The following DIAPH3 variants were observed in gnomAD, a reference collection of about 807,000 sequenced individuals.
DIAPH3 encodes the protein protein diaphanous homolog 3.
Under a neutral mutation model 144.3 loss-of-function variants are expected in DIAPH3, and 117 were observed. The ratio of observed to expected loss-of-function variants is 0.81; its 90% CI spans 0.70 to 0.95. The LOEUF (loss-of-function observed/expected upper bound fraction) is 0.95, where lower values mean the gene tolerates loss of function less well. Among genes scored for constraint, DIAPH3 ranks in the 40% least tolerant of loss-of-function variants. DIAPH3 has a pLI of 0.00. For missense variants in DIAPH3, 1,421 were observed against 1,412.7 expected, an observed-to-expected ratio of 1.01 and a Z score of -0.09; for synonymous variants, 519 against 488.9, an observed-to-expected ratio of 1.06 and a Z score of -0.81.
intron 27 of DIAPH3, among the ~76,000 whole-genome samples, chr13:59,754,842 A>C (rs189280344): frequency 2.0e-5 from 3 of 152,118 alleles, no homozygotes; most frequent in Admixed American, 6.6e-5. Flanking sequence ...GGTTGTACTG[A>C]TAAGTTTTCA....
chr13:59,797,953 G>A (rs1158020523), intron 25 of DIAPH3, among the ~76,000 whole-genome samples: 1 of 152,066 alleles, frequency 6.6e-6, no homozygotes, highest in Non-Finnish European at 1.5e-5. Flanking sequence ...CTTACCCTAT[G>A]CCAGGCCCAT....
chr13:60,003,419 CCT>C (rs888503074), intron 9 of DIAPH3, among the ~76,000 whole-genome samples: 1 of 150,718 alleles, frequency 6.6e-6, no homozygotes, highest in Non-Finnish European at 1.5e-5. Flanking sequence ...GCTGAGAAAC[CCT>C]GTCTGATGTT....
intron 5 of DIAPH3, among the ~76,000 whole-genome samples, chr13:60,037,633 T>TGAATATA (rs1404843421): frequency 1.3e-5 from 2 of 151,656 alleles, no homozygotes; most frequent in Non-Finnish European, 2.9e-5. Flanking sequence ...AGAGGAAGGA[T>TGAATATA]GAATATAGAA....
chr13:59,957,285 G>C (rs1253069401), intron 17 of DIAPH3, among the ~76,000 whole-genome samples: 1 of 152,128 alleles, frequency 6.6e-6, no homozygotes, highest in East Asian at 1.9e-4. Flanking sequence ...ACGTGTTGTG[G>C]GAGGGACCCA....
At chr13:59,966,795 A>T (rs1382717432) in intron 17 of DIAPH3, among the ~76,000 whole-genome samples, 1 of 152,182 alleles carries the variant, frequency 6.6e-6, no homozygotes, top group Non-Finnish European at 1.5e-5. Flanking sequence ...CCATCTTTGT[A>T]ATCAAAGAAA....
chr13:59,802,227 C>T (rs572138181), intron 25 of DIAPH3, among the ~76,000 whole-genome samples: 2 of 152,226 alleles, frequency 1.3e-5, no homozygotes, highest in African/African-American at 4.8e-5. Context: ...GGATAAGAAG[C>T]ACAATGGTTG....
intron 27 of DIAPH3, among the ~76,000 whole-genome samples, chr13:59,707,217 T>C (rs1386041905): frequency 6.6e-6 from 1 of 152,172 alleles, no homozygotes; most frequent in South Asian, 2.1e-4. Flanking sequence ...TCTCAAAACA[T>C]TGAACAGCTG....
At chr13:60,115,277 A>T (rs1194957850) in intron 2 of DIAPH3, among the ~76,000 whole-genome samples, 1 of 152,188 alleles carries the variant, frequency 6.6e-6, no homozygotes, top group Non-Finnish European at 1.5e-5. Flanking sequence ...GATTCTTGGG[A>T]TCACTTCAAG....
At position 60,161,397 on chromosome 13, in the gene DIAPH3, A is replaced by G. The variant is rs921466717; in HGVS notation, c.180+2190T>C. On this transcript the variant is annotated intron_variant, in intron 1 of 27. Transcript: ENST00000400324. The stretch of plus-strand genomic sequence containing the variant: ...AAAAAACAAGAGTTACTGGTGTGCA[A>G]TCAAGAGCAGTGAAAGGTAGGCAAA... Among the ~76,000 whole-genome samples, 3 of 152,192 alleles carry G rather than the reference A, an allele frequency of 2.0e-5. 1 individual carries two copies. Among genetic ancestry groups the G allele is most frequent in the Non-Finnish European group, 4.4e-5 (3 of 68,038 alleles).
Position 59,879,425 on chromosome 13 carries a change from A to G in DIAPH3, c.2411T>C (p.Leu804Pro), listed in dbSNP as rs1268587590. 3.7e-6 allele frequency: 6 copies of G among 1,613,752 alleles called. No individual in the cohort carries two copies. In the South Asian group the frequency reaches 6.6e-5, roughly 18 times the overall value. ...CTGCTCTTCAAACTGAAGCTTAAAGAGAATAGCACTGAGCCGTGGCCGTAG... is the reference window on the plus strand; with the variant it reads ...CTGCTCTTCAAACTGAAGCTTAAAGGGAATAGCACTGAGCCGTGGCCGTAG... ...KRLRPRLSAI[L>P]FKLQFEEQVN... Residue 804 changes from leucine (L) to proline (P), a missense_variant, in exon 21 of 28, where the codon CTC becomes CCC. Physicochemically the swap from Leu to Pro is moderately conservative, Grantham distance 98. Transcript: ENST00000400324.
chr13:59,666,954 CT>C, intron 27 of DIAPH3, 108 bp from the exon 28 acceptor site: 1 of 1,261,380 alleles, frequency 7.9e-7, no homozygotes, highest in Non-Finnish European at 1.1e-6. Context: ...AAGTAGTCTT[CT>C]TAGATAGACT....
rs760543163 is a variant in DIAPH3 at position 59,839,319 on chromosome 13, G to T, written c.2862+5C>A. The T allele has an allele frequency of 1.4e-5, 23 of 1,612,900 alleles. No homozygotes were observed. The South Asian group carries it at 2.4e-4, about 17-fold the overall frequency. ...ACTTAAGTTATTTAGCTATCAAAAG[G>T]ATATGGACATCTTTGTCACAAACTT... On this transcript the variant is annotated splice_donor_5th_base_variant and intron_variant, in intron 23 of 27. Transcript: ENST00000400324.
At chr13:59,825,177 T>C (rs2041318448) in intron 24 of DIAPH3, among the ~76,000 whole-genome samples, 3 of 152,030 alleles carry the variant, frequency 2.0e-5, no homozygotes, top group Admixed American at 2.0e-4. Flanking sequence ...CCTAATGCTA[T>C]CCCTCCCCTC....
At chr13:60,123,033 A>G (rs1470334601) in intron 2 of DIAPH3, among the ~76,000 whole-genome samples, 1 of 152,198 alleles carries the variant, frequency 6.6e-6, no homozygotes, top group Non-Finnish European at 1.5e-5. Flanking sequence ...AAGTCATGTG[A>G]AGACATCAAT....
At chr13:59,954,322 T>C (rs1269086611) in intron 17 of DIAPH3, among the ~76,000 whole-genome samples, 1 of 150,836 alleles carries the variant, frequency 6.6e-6, no homozygotes, top group Non-Finnish European at 1.5e-5. Flanking sequence ...TGCAAGGCAC[T>C]CATTTTTCCT....
chr13:59,856,563 C>A (rs1472980961), intron 22 of DIAPH3, among the ~76,000 whole-genome samples: 1 of 152,134 alleles, frequency 6.6e-6, no homozygotes, highest in Non-Finnish European at 1.5e-5. Flanking sequence ...CATGTACATT[C>A]CTGAATGGCT....
intron 1 of DIAPH3, among the ~76,000 whole-genome samples, chr13:60,158,906 TAAAAAAAAAAAA>T (rs71197285): frequency 5.2e-5 from 4 of 76,914 alleles, no homozygotes; most frequent in Non-Finnish European, 9.7e-5. Flanking sequence ...TGGCCCCTCT[TAAAAAAAAAAAA>T]AAAAAAAAAA....
At position 60,057,589 on chromosome 13, in the gene DIAPH3, G is replaced by C. The variant is rs367800834; in HGVS notation, c.496-14769C>G. ...CCAAAAAAGAGCCTGAATACCCAAA[G>C]CAATACTGAGCAAAAACAACAAATC... On this transcript the variant is annotated intron_variant, in intron 4 of 27. Coordinates refer to ENST00000400324, the MANE Select transcript of DIAPH3 (RefSeq NM_001042517.2). Among the ~76,000 whole-genome samples the C allele has an allele frequency of 4.0e-5, 6 of 151,870 alleles. No individual in the cohort carries two copies. In the South Asian group the frequency reaches 1.2e-3, roughly 31 times the overall value.
intron 27 of DIAPH3, among the ~76,000 whole-genome samples, chr13:59,702,396 G>A (rs545701399): frequency 5.3e-5 from 8 of 152,252 alleles, no homozygotes; most frequent in East Asian, 1.9e-4. Flanking sequence ...AAAATGAAGC[G>A]TTATATTGGT....
Sources: gnomAD v4.1 joint callset for allele counts (sites outside exome capture counted in the v4.1 genomes callset) on GRCh38, gnomAD v4.1.1 for gene constraint, MANE v1.5 for transcripts, NCBI Gene and HGNC (gene_info 2026-07-23, HGNC 2026-07-21) for gene names.